Variants in MCM3AP observed in about 807,000 individuals in gnomAD.
MCM3AP encodes the protein minichromosome maintenance complex component 3 associated protein.
Under a neutral mutation model 184.1 loss-of-function variants are expected in MCM3AP, and 126 were observed. The ratio of observed to expected loss-of-function variants is 0.68; its 90% CI spans 0.59 to 0.79. The LOEUF is 0.79. Among genes scored for constraint, MCM3AP ranks in the 30% least tolerant of loss-of-function variants. The probability of loss-of-function intolerance (pLI) is 0.00; values close to 1 mark genes in which losing one functional copy is unlikely to be tolerated. For missense variants in MCM3AP, 2,496 were observed against 2,479.2 expected (o/e 1.01, Z -0.14); for synonymous variants, 1,002 against 979.3 (o/e 1.02, Z -0.43).
At chr21:46,255,302 G>C (rs996112627) in intron 17 of MCM3AP, among the ~76,000 whole-genome samples, 3 of 152,188 alleles carry the variant, frequency 2.0e-5, no homozygotes, top group African/African-American at 7.2e-5. Flanking sequence ...AGCTGGACCT[G>C]GTGTGTTTGG....
intron 17 of MCM3AP, among the ~76,000 whole-genome samples, chr21:46,255,753 C>T (rs560651894): frequency 4.5e-4 from 68 of 150,344 alleles, no homozygotes; most frequent in African/African-American, 1.3e-3. Flanking sequence ...CCAGGGGGTG[C>T]GCAGAAGGGC....
intron 4 of MCM3AP, among the ~76,000 whole-genome samples, chr21:46,278,249 A>G (rs1325350592): frequency 6.6e-6 from 1 of 152,248 alleles, no homozygotes; most frequent in Non-Finnish European, 1.5e-5. Flanking sequence ...TCAGCATGAA[A>G]AAAGTCTTTA....
chr21:46,263,146 T>C (rs1049027469), intron 13 of MCM3AP, among the ~76,000 whole-genome samples: 4 of 149,858 alleles, frequency 2.7e-5, no homozygotes, highest in African/African-American at 7.4e-5. Context: ...TGGCTAATAA[T>C]GGTGAAACCC....
rs564875050 is a variant in MCM3AP at position 46,246,998 on chromosome 21, G to A, written c.4291-112C>T. 3 of 1,149,044 alleles carry A rather than the reference G, an allele frequency of 2.6e-6. 1 individual carries two copies. In the South Asian group the frequency reaches 4.2e-5, roughly 16 times the overall value. 71.2% of individuals were successfully genotyped at this position (1,149,044 alleles called of 1,614,324 possible). ...GCTCTCCGTGCACTAAATACTGACT[G>A]TACTCCAGACAGGCCTCCAAGGGCA... is the stretch of plus-strand genomic sequence containing the variant. On this transcript the variant is annotated intron_variant, in intron 20 of 27. Transcript: ENST00000291688.
At chr21:46,243,416 C>G (rs2080707017) in intron 24 of MCM3AP, 49 bp downstream of exon 24, 1 of 1,536,236 alleles carries the variant, frequency 6.5e-7, no homozygotes, top group African/African-American at 1.4e-5. Flanking sequence ...GAAACTGGAC[C>G]AGGAAAGTCT....
chr21:46,251,600 GA>G lies in MCM3AP; in HGVS notation c.4218del (p.Gln1407ArgfsTer16). 2.5e-6 allele frequency: 4 copies of G among 1,612,700 alleles called. No homozygotes were observed. The highest frequency in any genetic ancestry group is 3.4e-6 in the Non-Finnish European group (4 of 1,178,828). On this transcript the variant is annotated frameshift_variant, in exon 20 of 28. Transcript: ENST00000291688. LOFTEE classifies it high-confidence loss of function. ...AGTGAGTTGAAAAGCGAAAGCGTCT[GA>G]ATCCCACCAGCATCGCTGGATGTGT... ...VDDTSSDAGG[I>X]QTLSLFNSLS...
intron 14 of MCM3AP, 151 bp from the exon 15 acceptor site, chr21:46,261,057 C>A (rs2081035087): frequency 1.2e-6 from 1 of 820,858 alleles, no homozygotes; most frequent in Non-Finnish European, 1.9e-6. Context: ...CACCACCTCC[C>A]TTCCCCTGCC....
chr21:46,272,832 G>A lies in MCM3AP; in HGVS notation c.2197-3C>T, dbSNP rs1285260852. 3.8e-6 allele frequency: 6 copies of A among 1,573,094 alleles called. No homozygotes were observed. Among genetic ancestry groups the A allele is most frequent in the Non-Finnish European group, 5.2e-6 (6 of 1,157,772 alleles). On this transcript the variant is annotated splice_region_variant and splice_polypyrimidine_tract_variant and intron_variant, in intron 7 of 27. Transcript: ENST00000291688. ...CAGAGGTGCTGCTGCGTGATATCCT[G>A]GCCACAGGCGAGGGGGAGGATCACA...
In MCM3AP at chr21:46,261,419, G is replaced by A. The variant is rs758435428; in HGVS notation, c.3336-8C>T. 7.4e-6 allele frequency: 12 copies of A among 1,613,448 alleles called. No homozygotes were observed. Among genetic ancestry groups the A allele is most frequent in the Non-Finnish European group, 1.0e-5 (12 of 1,179,790 alleles). On this transcript the variant is annotated splice_polypyrimidine_tract_variant and splice_region_variant and intron_variant, in intron 13 of 27. Transcript: ENST00000291688. ...ATAGCAGCATTAGAAACACTAAACGGAGCAAAGGGGATAGCATTCAAAATC... is the reference window on the plus strand; with the variant it reads ...ATAGCAGCATTAGAAACACTAAACGAAGCAAAGGGGATAGCATTCAAAATC...
chr21:46,271,035 G>A (rs2839187), intron 8 of MCM3AP, among the ~76,000 whole-genome samples: 20,541 of 152,202 alleles, frequency 0.13, 1,414 homozygotes, highest in South Asian at 0.19. Flanking sequence ...GGATGGTAAA[G>A]TCTAAAAAAC....
chr21:46,240,675 A>C, intron 26 of MCM3AP, 136 bp downstream of exon 26: 1 of 727,188 alleles, frequency 1.4e-6, no homozygotes, highest in Non-Finnish European at 2.3e-6. Flanking sequence ...AAATAGTTAC[A>C]TCACTAAAAC....
Position 46,285,039 on chromosome 21 carries a change from G to A in MCM3AP, c.248C>T (p.Pro83Leu). Reference sequence around the variant, plus strand: ...GGAAGTGTGCTCAAGTCCAGAAAAGGGTCCAACACTTGAGGTTTGGGTGAA... The same window carrying A: ...GGAAGTGTGCTCAAGTCCAGAAAAGAGTCCAACACTTGAGGTTTGGGTGAA... ...LGFTQTSSVG[P>L]FSGLEHTSTF... The change falls in exon 1 of 28, where the codon CCC (proline) becomes CTC (leucine). Residue 83 changes from proline (P) to leucine (L), a missense_variant. Around this residue, in one of 5 missense-constraint regions of MCM3AP, gnomAD observed 800 missense variants for 717.1 expected, o/e 1.12. Coordinates refer to ENST00000291688, the MANE Select transcript of MCM3AP (RefSeq NM_003906.5). The A allele has an allele frequency of 6.2e-7, 1 of 1,614,162 alleles. No homozygotes were observed. The highest frequency in any genetic ancestry group is 8.5e-7 in the Non-Finnish European group (1 of 1,180,036).
intron 20 of MCM3AP, chr21:46,250,945 CAGG>C (rs2080858533): frequency 1.3e-5 from 2 of 152,182 alleles, no homozygotes; most frequent in Admixed American, 1.3e-4. Context: ...GATCTGGAAA[CAGG>C]AGAAAAATGC....
In MCM3AP at chr21:46,263,068, A is replaced by G. The variant is rs377090573; in HGVS notation, c.3335+1049T>C. Among the ~76,000 whole-genome samples the G allele has an allele frequency of 1.2e-4, 17 of 144,146 alleles. No individual in the cohort carries two copies. The East Asian group carries it at 2.0e-3, about 17-fold the overall frequency. 94.6% of individuals were successfully genotyped at this position (144,146 alleles called of 152,430 possible). On this transcript the variant is annotated intron_variant, in intron 13 of 27. Coordinates refer to ENST00000291688, the MANE Select transcript of MCM3AP (RefSeq NM_003906.5). ...AACAAGGCCAGGTGCGGTGGCTCAC[A>G]CCTGTAATCCCAGCAGTTTAGGAGG...
At chr21:46,246,597 C>T in intron 21 of MCM3AP, 31 bp downstream of exon 21, 2 of 1,604,190 alleles carry the variant, frequency 1.2e-6, no homozygotes, top group Non-Finnish European at 1.7e-6. Flanking sequence ...TTAAACAATG[C>T]TGCTTCATAA....
chr21:46,249,523 G>A (rs185561915), intron 20 of MCM3AP: 30 of 438,722 alleles, frequency 6.8e-5, no homozygotes, highest in Admixed American at 6.8e-4. Flanking sequence ...TTTTACAAAC[G>A]TAGCTAAACT....
intron 20 of MCM3AP, among the ~76,000 whole-genome samples, chr21:46,248,466 C>T (rs1309981944): frequency 1.3e-5 from 2 of 152,226 alleles, no homozygotes; most frequent in African/African-American, 2.4e-5. Flanking sequence ...AAAAGCCTGG[C>T]TTGCCATTTA....
intron 25 of MCM3AP, 71 bp from the exon 26 acceptor site, chr21:46,241,088 G>T: frequency 1.8e-6 from 2 of 1,139,740 alleles, no homozygotes; most frequent in East Asian, 2.3e-5. Context: ...AAAGCATGTA[G>T]ATACATTTGC....
intron 4 of MCM3AP, among the ~76,000 whole-genome samples, chr21:46,278,441 A>T (rs1240446449): frequency 6.6e-6 from 1 of 152,210 alleles, no homozygotes; most frequent in Non-Finnish European, 1.5e-5. Flanking sequence ...CACAAAACGG[A>T]AAGTGAGGAA....
Sources: allele counts gnomAD v4.1 joint callset (sites outside exome capture counted in the v4.1 genomes callset), GRCh38; gene constraint gnomAD v4.1.1; regional missense constraint gnomAD v4.1.1; transcripts MANE v1.5; gene names NCBI Gene and HGNC (gene_info 2026-07-23, HGNC 2026-07-21).